The following ADAMTS18 variants were observed in gnomAD, a reference collection of about 807,000 sequenced individuals.
ADAMTS18 encodes ADAM metallopeptidase with thrombospondin type 1 motif 18.
A neutral mutation model predicts 165.9 loss-of-function variants in ADAMTS18; 157 were observed. The ratio of observed to expected loss-of-function variants is 0.95; its 90% confidence interval spans 0.83 to 1.08. The LOEUF (loss-of-function observed/expected upper bound fraction) is 1.08, where lower values mean the gene tolerates loss of function less well. ADAMTS18 is among the 50% of genes least tolerant of loss of function. The probability of loss-of-function intolerance (pLI) is 0.00; values close to 1 mark genes in which losing one functional copy is unlikely to be tolerated. For missense variants in ADAMTS18, 2,040 were observed against 1,534.0 expected (o/e 1.33, Z -5.51); for synonymous variants, 782 against 578.2 (o/e 1.35, Z -5.06).
chr16:77,386,390 T>C (rs940008324), intron 3 of ADAMTS18, among the ~76,000 whole-genome samples: 2 of 152,214 alleles, frequency 1.3e-5, no homozygotes, highest in South Asian at 4.1e-4. Flanking sequence ...AACCTGGACT[T>C]CGACAGGTTT....
At chr16:77,378,728 T>TA (rs1479661626) in intron 3 of ADAMTS18, among the ~76,000 whole-genome samples, 2 of 151,728 alleles carry the variant, frequency 1.3e-5, no homozygotes, top group Non-Finnish European at 2.9e-5. Context: ...AAAATAAAAA[T>TA]AAAAAAAGAA....
At chr16:77,299,692 C>T (rs774143985) in intron 17 of ADAMTS18, among the ~76,000 whole-genome samples, 12 of 152,198 alleles carry the variant, frequency 7.9e-5, no homozygotes, top group South Asian at 4.1e-4. Flanking sequence ...CTAAATAAAA[C>T]GCCTTCCTTC....
chr16:77,387,114 T>G (rs539576778), intron 3 of ADAMTS18, among the ~76,000 whole-genome samples: 54 of 152,328 alleles, frequency 3.5e-4, no homozygotes, highest in African/African-American at 1.2e-3. Flanking sequence ...CAAATGCACA[T>G]GCGGTTAACT....
Position 77,282,266 on chromosome 16 carries a change from G to C in ADAMTS18, c.*1690C>G, listed in dbSNP as rs540273374. 6 of 151,966 alleles carry C rather than the reference G, an allele frequency of 3.9e-5. No individual in the cohort carries two copies. In the South Asian group the frequency reaches 1.2e-3, roughly 32 times the overall value. The allele number at this position is 151,966 out of a possible 1,614,324, so 9.4% of individuals were successfully genotyped here. On this transcript the variant is annotated 3_prime_UTR_variant, in exon 23 of 23. Transcript: ENST00000282849. ...AAATATTACTTAGAGAAGCAAGTGAGAACACATAATAGGCTATTAATTAAT... is the reference window on the plus strand; with the variant it reads ...AAATATTACTTAGAGAAGCAAGTGACAACACATAATAGGCTATTAATTAAT...
chr16:77,367,681 G>C lies in ADAMTS18; in HGVS notation c.538C>G (p.Pro180Ala). The C allele has an allele frequency of 6.2e-7, 1 of 1,614,156 alleles. No homozygotes were observed. The highest frequency in any genetic ancestry group is 8.5e-7 in the Non-Finnish European group (1 of 1,180,024). Residue 180 changes from proline to alanine, a missense_variant, in exon 4 of 23, where the codon CCA becomes GCA. Transcript: ENST00000282849. Reference sequence around the variant, plus strand: ...TCCTGGGCCAGAAGCTGAGGTAATGGCGAGATGAGGAATTCATTTTTTCGT... The same window carrying C: ...TCCTGGGCCAGAAGCTGAGGTAATGCCGAGATGAGGAATTCATTTTTTCGT... Reference protein sequence around the residue: ...RTRKNEFLISPLPQLLAQEHN... With the variant: ...RTRKNEFLISALPQLLAQEHN...
intron 3 of ADAMTS18, among the ~76,000 whole-genome samples, chr16:77,394,261 G>C (rs2057227977): frequency 6.6e-6 from 1 of 152,194 alleles, no homozygotes; most frequent in Non-Finnish European, 1.5e-5. Context: ...ATTGCTTTGT[G>C]TCTGGAGACA....
chr16:77,335,988 G>A, intron 11 of ADAMTS18, 84 bp from the exon 12 acceptor site: 1 of 1,531,898 alleles, frequency 6.5e-7, no homozygotes, highest in Non-Finnish European at 9.0e-7. Flanking sequence ...ACAGTAACAG[G>A]AAAAACAGGT....
intron 3 of ADAMTS18, among the ~76,000 whole-genome samples, chr16:77,370,711 C>A (rs745510070): frequency 6.6e-6 from 1 of 152,014 alleles, no homozygotes; most frequent in Non-Finnish European, 1.5e-5. Context: ...GATCATGCCA[C>A]TGCACTCCAG....
chr16:77,329,701 T>C (rs2056156393), intron 12 of ADAMTS18, among the ~76,000 whole-genome samples: 2 of 152,202 alleles, frequency 1.3e-5, no homozygotes, highest in Admixed American at 1.3e-4. Context: ...TCAAAAGTAA[T>C]TGCTAGCAAG....
At chr16:77,302,796 C>G (rs1384207644) in intron 16 of ADAMTS18, among the ~76,000 whole-genome samples, 1 of 152,170 alleles carries the variant, frequency 6.6e-6, no homozygotes, top group Non-Finnish European at 1.5e-5. Context: ...TAGACAGATT[C>G]TAGAGCCTAA....
chr16:77,420,276 T>C (rs983556943), intron 3 of ADAMTS18, among the ~76,000 whole-genome samples: 1 of 152,138 alleles, frequency 6.6e-6, no homozygotes, highest in Non-Finnish European at 1.5e-5. Flanking sequence ...CATTTGAACA[T>C]ACCATCCTGC....
intron 3 of ADAMTS18, among the ~76,000 whole-genome samples, chr16:77,384,255 A>C (rs1227388820): frequency 2.0e-5 from 3 of 152,224 alleles, no homozygotes; most frequent in Non-Finnish European, 2.9e-5. Context: ...AACACATCCA[A>C]TTAATCAGAA....
chr16:77,395,195 T>G (rs1200829717), intron 3 of ADAMTS18, among the ~76,000 whole-genome samples: 1 of 152,138 alleles, frequency 6.6e-6, no homozygotes, highest in Non-Finnish European at 1.5e-5. Context: ...TCTTTCTGAA[T>G]CAATTAGCAG....
chr16:77,383,426 A>G (rs964270482), intron 3 of ADAMTS18, among the ~76,000 whole-genome samples: 4 of 152,108 alleles, frequency 2.6e-5, no homozygotes, highest in African/African-American at 9.7e-5. Context: ...TTGCTGTTCT[A>G]TAAATAAAAA....
chr16:77,364,156 A>C, intron 5 of ADAMTS18, 32 bp downstream of exon 5: 1 of 1,613,368 alleles, frequency 6.2e-7, no homozygotes, highest in Non-Finnish European at 8.5e-7. Flanking sequence ...TTTTCTTTGG[A>C]GAGCCAGAAG....
Position 77,284,057 on chromosome 16 carries a change from C to T in ADAMTS18, c.3565G>A (p.Val1189Ile), listed in dbSNP as rs61749042. 11,323 of 1,611,594 alleles carry T rather than the reference C, an allele frequency of 7.0e-3. 65 individuals are homozygous for T. Among genetic ancestry groups the T allele is most frequent in the South Asian group, 9.7e-3 (884 of 91,032 alleles). Residue 1189 changes from valine (V) to isoleucine (I), a missense_variant, in exon 23 of 23, where the codon GTA (valine) becomes ATA (isoleucine). By Grantham distance (29) the Val-to-Ile change is conservative (BLOSUM62 3). Coordinates refer to ENST00000282849, the MANE Select transcript of ADAMTS18 (RefSeq NM_199355.4). ...AGGTGACACCAGTTGAAGAAATCTA[C>T]GCAGGATGGATCCTCTAAAATAAGA... ...APEKREDPSC[V>I]DFFNWCHLVP... is the part of the protein sequence containing the mutation.
intron 3 of ADAMTS18, among the ~76,000 whole-genome samples, chr16:77,381,660 G>A (rs112243504): frequency 0.025 from 3,736 of 152,166 alleles, 141 homozygotes; most frequent in African/African-American, 0.086. Context: ...AAATTAGCCA[G>A]CTGTAGTGAC....
rs1308515459 is a variant in ADAMTS18 at position 77,283,848 on chromosome 16, G to C, written c.*108C>G. ...AGCAGGCTCCTTCATCACAGCGGCAGCTCACAGATGGTTCTCGGTGCTCAG... is the reference window on the plus strand; with the variant it reads ...AGCAGGCTCCTTCATCACAGCGGCACCTCACAGATGGTTCTCGGTGCTCAG... On this transcript the variant is annotated 3_prime_UTR_variant, in exon 23 of 23. Transcript: ENST00000282849. 1.2e-6 allele frequency: 1 copy of C among 848,234 alleles called. No individual in the cohort carries two copies. The highest frequency in any genetic ancestry group is 1.7e-5 in the African/African-American group (1 of 59,764). 52.5% of individuals were successfully genotyped at this position (848,234 alleles called of 1,614,324 possible). A position where few individuals can be genotyped will look rare whatever the true frequency, so the allele number is the denominator to read the frequency against.
At position 77,379,357 on chromosome 16, in the gene ADAMTS18, C is replaced by T. The variant is rs1168140684; in HGVS notation, c.496-11634G>A. ...ATCATGGGGAGAAGAACGCTTGCTACTGGCCTTAAAGAGTAAATGAATGGC... is the reference window on the plus strand; with the variant it reads ...ATCATGGGGAGAAGAACGCTTGCTATTGGCCTTAAAGAGTAAATGAATGGC... On this transcript the variant is annotated intron_variant, in intron 3 of 22. Transcript: ENST00000282849. Among the ~76,000 whole-genome samples the T allele has an allele frequency of 5.3e-5, 8 of 152,172 alleles. 1 individual carries two copies. The highest frequency in any genetic ancestry group is 1.0e-4 in the Non-Finnish European group (7 of 68,030).
Sources: allele counts gnomAD v4.1 joint callset (sites outside exome capture counted in the v4.1 genomes callset), GRCh38; gene constraint gnomAD v4.1.1; transcripts MANE v1.5; gene names NCBI Gene and HGNC (gene_info 2026-07-23, HGNC 2026-07-21).